The following RBFOX1 variants were observed in gnomAD, a reference collection of about 807,000 sequenced individuals.
RBFOX1 encodes RNA binding fox-1 homolog 1, also known as RNA binding protein fox-1 homolog 1.
In RBFOX1, 8 loss-of-function variants were observed where a neutral mutation model predicts 57.7. The ratio of observed to expected loss-of-function variants is 0.14; its 90% confidence interval spans 0.08 to 0.25. The LOEUF is 0.25. Ranked by LOEUF, RBFOX1 falls within the 10% of genes least tolerant of loss-of-function variation. RBFOX1 has a pLI of 1.00. For synonymous variants in RBFOX1, 326 were observed against 222.4 expected, an observed-to-expected ratio of 1.47 and a Z score of -4.15; for missense variants, 611 against 548.5, an observed-to-expected ratio of 1.11 and a Z score of -1.14.
intron 3 of RBFOX1, among the ~76,000 whole-genome samples, chr16:5,783,794 C>A (rs368702326): frequency 5.3e-5 from 8 of 152,146 alleles, no homozygotes; most frequent in African/African-American, 1.7e-4. Flanking sequence ...TAGGTATGTT[C>A]CCAGGGGGCA....
At chr16:5,253,373 A>T (rs1252874450) in intron 1 of RBFOX1, among the ~76,000 whole-genome samples, 1 of 151,960 alleles carries the variant, frequency 6.6e-6, no homozygotes, top group Non-Finnish European at 1.5e-5. Flanking sequence ...GCTGGTCTTG[A>T]ACTCCTGACC....
intron 1 of RBFOX1, among the ~76,000 whole-genome samples, chr16:6,201,488 A>C (rs569734802): frequency 1.3e-3 from 201 of 152,230 alleles, no homozygotes; most frequent in Non-Finnish European, 2.4e-3. Flanking sequence ...ACAGAGATAG[A>C]GTGGAATGAT....
chr16:7,141,587 G>A (rs77022081), intron 4 of RBFOX1, among the ~76,000 whole-genome samples: 12,833 of 152,098 alleles, frequency 0.084, 1,812 homozygotes, highest in African/African-American at 0.29. Flanking sequence ...ATGGCTCCCT[G>A]TACCAGATGA....
At chr16:6,465,681 T>C (rs2095032487) in intron 2 of RBFOX1, among the ~76,000 whole-genome samples, 1 of 150,558 alleles carries the variant, frequency 6.6e-6, no homozygotes, top group South Asian at 2.1e-4. Flanking sequence ...TGGCCCTGCA[T>C]ATTTGTTTCT....
In RBFOX1 at chr16:7,534,335, C is replaced by T. The variant is rs978737050; in HGVS notation, c.270+15946C>T. Among the ~76,000 whole-genome samples, 6 of 151,832 alleles carry T rather than the reference C, an allele frequency of 4.0e-5. No homozygotes were observed. The South Asian group carries it at 1.0e-3, about 26-fold the overall frequency. ...CTCGAACTCCTGGCCTCAGGTGATC[C>T]GCCCGTCTCAGCCTACCAAAGTGCT... On this transcript the variant is annotated intron_variant, in intron 5 of 15. Coordinates refer to ENST00000550418, the MANE Select transcript of RBFOX1 (RefSeq NM_018723.4).
intron 2 of RBFOX1, among the ~76,000 whole-genome samples, chr16:6,367,358 C>T (rs1485183567): frequency 2.0e-5 from 3 of 152,126 alleles, no homozygotes; most frequent in African/African-American, 7.2e-5. Flanking sequence ...GCAACCTCTG[C>T]CTCCCGGGTT....
chr16:7,237,970 C>T (rs372492028), intron 4 of RBFOX1, among the ~76,000 whole-genome samples: 196 of 152,266 alleles, frequency 1.3e-3, no homozygotes, highest in Admixed American at 1.9e-3. Flanking sequence ...CGTCCCTGCA[C>T]GCAAGCCTAG....
chr16:6,676,281 A>G (rs1342234455), intron 3 of RBFOX1, among the ~76,000 whole-genome samples: 1 of 152,018 alleles, frequency 6.6e-6, no homozygotes, highest in Non-Finnish European at 1.5e-5. Context: ...ATGATCAGAA[A>G]GGTGTGTGGA....
At chr16:6,982,420 A>G (rs1056622016) in intron 3 of RBFOX1, among the ~76,000 whole-genome samples, 8 of 152,146 alleles carry the variant, frequency 5.3e-5, no homozygotes, top group African/African-American at 1.9e-4. Context: ...ATCCTGGAGC[A>G]TCAGTCATGT....
chr16:6,575,056 A>C lies in RBFOX1; in HGVS notation c.-63-79547A>C, dbSNP rs1209306594. Reference sequence around the variant, plus strand: ...CCGTCTCAATTAAAAAAAAAAAAAAAAAAAAACAGCATCCAGGAATGCTAT... The same window carrying C: ...CCGTCTCAATTAAAAAAAAAAAAAACAAAAAACAGCATCCAGGAATGCTAT... On this transcript the variant is annotated intron_variant, in intron 2 of 15. Transcript: ENST00000550418. Among the ~76,000 whole-genome samples, 32 of 133,216 alleles carry C rather than the reference A, an allele frequency of 2.4e-4. 1 individual carries two copies. The highest frequency in any genetic ancestry group is 8.6e-5 in the Non-Finnish European group (5 of 58,054). 87.4% of individuals were successfully genotyped at this position (133,216 alleles called of 152,430 possible). A position where few individuals can be genotyped will look rare whatever the true frequency, so the allele number is the denominator to read the frequency against.
At chr16:5,343,376 G>T (rs957161185) in intron 1 of RBFOX1, among the ~76,000 whole-genome samples, 2 of 146,602 alleles carry the variant, frequency 1.4e-5, no homozygotes, top group African/African-American at 5.1e-5. Flanking sequence ...GTACAGTGGC[G>T]TGATCTCAGC....
intron 3 of RBFOX1, among the ~76,000 whole-genome samples, chr16:6,706,072 C>A (rs190296721): frequency 6.6e-6 from 1 of 152,150 alleles, no homozygotes; most frequent in Non-Finnish European, 1.5e-5. Flanking sequence ...TTGTGGACCA[C>A]CTTTCACGCC....
In RBFOX1 at chr16:7,008,280, A is replaced by G. The variant is rs141284813; in HGVS notation, c.-15-43777A>G. Among the ~76,000 whole-genome samples, 912 of 152,234 alleles carry G rather than the reference A, an allele frequency of 6.0e-3. 30 individuals carry two copies. In the East Asian group the frequency reaches 0.071, roughly 12 times the overall value. On this transcript the variant is annotated intron_variant, in intron 3 of 15. Transcript: ENST00000550418. ...ATTCAGGCCAGGTGCGGTGGCTTATACCTGTAATCCCAGCACTTTGGGAGA... is the reference window on the plus strand; with the variant it reads ...ATTCAGGCCAGGTGCGGTGGCTTATGCCTGTAATCCCAGCACTTTGGGAGA...
chr16:5,389,572 C>G (rs2066348297), intron 1 of RBFOX1, among the ~76,000 whole-genome samples: 1 of 152,150 alleles, frequency 6.6e-6, no homozygotes, highest in Non-Finnish European at 1.5e-5. Context: ...TTGGGGGCAT[C>G]CTTTGGGCAT....
rs953020419 is a variant in RBFOX1 at position 6,873,210 on chromosome 16, C to G, written c.-15-178847C>G. On this transcript the variant is annotated intron_variant, in intron 3 of 15. Transcript: ENST00000550418. The stretch of plus-strand genomic sequence containing the variant: ...ATAAACGAGGAGTAGAGATTTTTGC[C>G]TCCTTTTTCATTTATGTAAATAAAC... Among the ~76,000 whole-genome samples the G allele has an allele frequency of 6.0e-5, 9 of 151,204 alleles. No homozygotes were observed. The East Asian group carries it at 1.7e-3, about 29-fold the overall frequency.
chr16:6,687,403 T>C (rs2059597173), intron 3 of RBFOX1, among the ~76,000 whole-genome samples: 2 of 152,224 alleles, frequency 1.3e-5, no homozygotes, highest in African/African-American at 4.8e-5. Flanking sequence ...TTCACCCATG[T>C]AACCAAAAAC....
At chr16:6,796,501 CTCTT>C (rs1396021904) in intron 3 of RBFOX1, among the ~76,000 whole-genome samples, 1 of 152,176 alleles carries the variant, frequency 6.6e-6, no homozygotes, top group South Asian at 2.1e-4. Flanking sequence ...CAATAAATAA[CTCTT>C]TCATCCACTG....
intron 3 of RBFOX1, among the ~76,000 whole-genome samples, chr16:6,750,446 C>G (rs1250275571): frequency 1.3e-5 from 2 of 152,150 alleles, no homozygotes; most frequent in Admixed American, 6.6e-5. Flanking sequence ...TGTTTTCAGT[C>G]TACCAAAACA....
intron 3 of RBFOX1, among the ~76,000 whole-genome samples, chr16:6,841,909 C>G (rs369840953): frequency 1.3e-5 from 2 of 151,498 alleles, no homozygotes; most frequent in South Asian, 4.2e-4. Flanking sequence ...GAGGTCGAGG[C>G]GGGTGGATCA....
Sources: gnomAD v4.1 joint callset for allele counts (sites outside exome capture counted in the v4.1 genomes callset) on GRCh38, gnomAD v4.1.1 for gene constraint, MANE v1.5 for transcripts, NCBI Gene and HGNC (gene_info 2026-07-23, HGNC 2026-07-21) for gene names.